Variants in ASB3 observed in about 807,000 individuals in gnomAD.
ASB3 encodes ankyrin repeat and SOCS box containing 3, also known as ankyrin repeat and SOCS box protein 3.
ASB3 carries 41 observed loss-of-function variants against 54.5 expected under a neutral mutation model. That is an observed-to-expected ratio of 0.75 (90% CI 0.59 to 0.98). The LOEUF (loss-of-function observed/expected upper bound fraction) is 0.98, where lower values mean the gene tolerates loss of function less well. Among genes scored for constraint, ASB3 ranks in the 50% least tolerant of loss-of-function variants. ASB3 has a pLI of 0.00. For missense variants in ASB3, 733 were observed against 620.0 expected, an observed-to-expected ratio of 1.18 and a Z score of -1.94; for synonymous variants, 266 against 221.2, an observed-to-expected ratio of 1.20 and a Z score of -1.80.
intron 3 of ASB3, chr2:53,748,471 T>C (rs112078205): frequency 1.3e-5 from 2 of 152,178 alleles, no homozygotes; most frequent in African/African-American, 4.8e-5. Flanking sequence ...CCAAGCTACA[T>C]TAAACCAAAG....
At chr2:53,777,000 C>G (rs1368176696) in intron 1 of ASB3, among the ~76,000 whole-genome samples, 1 of 152,060 alleles carries the variant, frequency 6.6e-6, no homozygotes, top group African/African-American at 2.4e-5. Context: ...ATTTCAGGGA[C>G]TTTTCATTCC....
At chr2:53,684,014 CT>C (rs1668511316) in intron 9 of ASB3, among the ~76,000 whole-genome samples, 1 of 152,018 alleles carries the variant, frequency 6.6e-6, no homozygotes, top group Non-Finnish European at 1.5e-5. Context: ...TTTGCTCTGG[CT>C]TTTCTAGTTC....
rs1269174265 is a variant in ASB3, at chr2:53,728,833, G to T, written c.483C>A (p.Ile161=). The change falls in exon 5 of 10, where the codon ATC becomes ATA. Residue 161 remains isoleucine (I), a synonymous_variant. Transcript: ENST00000263634. The part of the protein sequence containing the change: ...HQASFQENAE[I]IKLLLRKGAN... ...CTCCTTTTCTAAGAAGCAATTTTAT[G>T]ATCTCAGCATTTTCCTAAAGCACAG... 1.2e-6 allele frequency: 2 copies of T among 1,607,174 alleles called. No homozygotes were observed. The highest frequency in any genetic ancestry group is 2.2e-5 in the South Asian group (2 of 89,836).
chr2:53,753,589 A>G (rs1672650301), intron 2 of ASB3, among the ~76,000 whole-genome samples: 2 of 152,048 alleles, frequency 1.3e-5, no homozygotes, highest in South Asian at 4.2e-4. Context: ...CTTAAAATCA[A>G]TGACAGTCCA....
rs538568159 is a variant in ASB3 at position 53,694,694 on chromosome 2, T to C, written c.1239-680A>G. The C allele has an allele frequency of 3.3e-5, 5 of 152,270 alleles. No homozygotes were observed. The South Asian group carries it at 1.0e-3, about 32-fold the overall frequency. 9.4% of individuals were successfully genotyped at this position (152,270 alleles called of 1,614,324 possible). A position where few individuals can be genotyped will look rare whatever the true frequency, so the allele number is the denominator to read the frequency against. On this transcript the variant is annotated intron_variant, in intron 8 of 9. Transcript: ENST00000263634. ...ACTTGAAACCTAATGGAAAGAGCACTGGCTTAAGAAAAGTCTTGATGTTTA... is the reference window on the plus strand; with the variant it reads ...ACTTGAAACCTAATGGAAAGAGCACCGGCTTAAGAAAAGTCTTGATGTTTA...
chr2:53,686,105 T>C (rs1038473553), intron 9 of ASB3, among the ~76,000 whole-genome samples: 4 of 152,232 alleles, frequency 2.6e-5, no homozygotes, highest in Non-Finnish European at 5.9e-5. Context: ...CTTCCCTTTC[T>C]GAAGTATCAT....
chr2:53,718,384 A>G (rs1572900206), intron 5 of ASB3, among the ~76,000 whole-genome samples: 1 of 152,214 alleles, frequency 6.6e-6, no homozygotes, highest in African/African-American at 2.4e-5. Context: ...AAGAGAGGAC[A>G]CTACAACCAA....
chr2:53,781,980 T>C (rs1160371449), intron 1 of ASB3, among the ~76,000 whole-genome samples: 1 of 152,204 alleles, frequency 6.6e-6, no homozygotes, highest in Admixed American at 6.5e-5. Flanking sequence ...CTCACATCTG[T>C]AATCCCAACA....
At chr2:53,767,724 G>A (rs1364088714) in intron 1 of ASB3, 4 of 791,978 alleles carry the variant, frequency 5.1e-6, no homozygotes, top group Middle Eastern at 3.8e-4. Context: ...AGATCCGCTC[G>A]GAAAATCTTT....
chr2:53,691,186 T>A (rs1668891730), intron 9 of ASB3, among the ~76,000 whole-genome samples: 1 of 152,226 alleles, frequency 6.6e-6, no homozygotes, highest in Non-Finnish European at 1.5e-5. Context: ...GATTAAAAGA[T>A]GAGAAGCAAG....
At chr2:53,758,353 G>C (rs1332059256) in intron 2 of ASB3, among the ~76,000 whole-genome samples, 3 of 152,228 alleles carry the variant, frequency 2.0e-5, no homozygotes, top group East Asian at 3.8e-4. Context: ...GTTTAAGATT[G>C]ATAATTAGGG....
intron 8 of ASB3, among the ~76,000 whole-genome samples, chr2:53,697,215 T>C (rs1162185884): frequency 6.6e-6 from 1 of 152,212 alleles, no homozygotes; most frequent in African/African-American, 2.4e-5. Flanking sequence ...ACCAATGCCA[T>C]GGAAACTTCA....
intron 3 of ASB3, among the ~76,000 whole-genome samples, chr2:53,742,882 G>T (rs768705742): frequency 7.2e-5 from 11 of 152,104 alleles, no homozygotes; most frequent in Non-Finnish European, 1.5e-4. Flanking sequence ...AATATTTAAA[G>T]ATATAATTCC....
chr2:53,776,827 AAAAT>A (rs1311091205), intron 1 of ASB3, among the ~76,000 whole-genome samples: 1 of 152,252 alleles, frequency 6.6e-6, no homozygotes, highest in African/African-American at 2.4e-5. Context: ...TCAAAAAACT[AAAAT>A]AAAACCTTGA....
chr2:53,672,901 T>C (rs769780929), intron 9 of ASB3, among the ~76,000 whole-genome samples: 1 of 152,236 alleles, frequency 6.6e-6, no homozygotes. Context: ...CATTCTACTT[T>C]GCCTTAACAG....
chr2:53,701,416 AC>A (rs1234187359), intron 7 of ASB3, among the ~76,000 whole-genome samples: 2 of 152,230 alleles, frequency 1.3e-5, no homozygotes, highest in East Asian at 3.8e-4. Context: ...AATTGGCAGA[AC>A]TGGGATAATG....
intron 3 of ASB3, among the ~76,000 whole-genome samples, chr2:53,734,918 G>GTTTTTT (rs35847412): frequency 8.4e-6 from 1 of 119,674 alleles, no homozygotes. Context: ...CTTTATACAA[G>GTTTTTT]TTTTTTTTTT....
rs1317407024 is a variant in ASB3, at chr2:53,670,621, C to A, written c.1439G>T (p.Arg480Leu). Reference sequence around the variant, plus strand: ...CAGCTGACTAATATAACTGTCAGACCGTAGACGTTCTGATTTTAGACTGGA... The same window carrying A: ...CAGCTGACTAATATAACTGTCAGACAGTAGACGTTCTGATTTTAGACTGGA... The part of the protein sequence containing the change: ...IRSSLKSERL[R>L]SDSYISQLPL... The change falls in exon 10 of 10, where the codon CGG becomes CTG. Residue 480 changes from arginine to leucine, a missense_variant. By Grantham distance (102) the Arg-to-Leu change is moderately radical (BLOSUM62 -2). Transcript: ENST00000263634. The A allele has an allele frequency of 1.2e-6, 2 of 1,613,852 alleles. No homozygotes were observed. Among genetic ancestry groups the A allele is most frequent in the Admixed American group, 1.7e-5 (1 of 59,992 alleles).
chr2:53,688,945 A>G (rs1668769655), intron 9 of ASB3, among the ~76,000 whole-genome samples: 1 of 152,188 alleles, frequency 6.6e-6, no homozygotes. Flanking sequence ...AAAAAAAAAG[A>G]AAAAGGATTT....
Sources: gnomAD v4.1 joint callset for allele counts (sites outside exome capture counted in the v4.1 genomes callset) on GRCh38, gnomAD v4.1.1 for gene constraint, MANE v1.5 for transcripts, NCBI Gene and HGNC (gene_info 2026-07-23, HGNC 2026-07-21) for gene names.